Variants in NALCN observed in about 807,000 individuals in gnomAD.
NALCN encodes sodium leak channel NALCN.
In NALCN, 111 loss-of-function variants were observed where a neutral mutation model predicts 225.3. The observed-to-expected ratio is 0.49, with a 90% CI of 0.42 to 0.58. The LOEUF (loss-of-function observed/expected upper bound fraction) is 0.58. Ranked by LOEUF, NALCN falls within the 20% of genes least tolerant of loss-of-function variation. The probability of loss-of-function intolerance (pLI) is 0.00; values close to 1 mark genes in which losing one functional copy is unlikely to be tolerated. For synonymous variants in NALCN, 764 were observed against 769.0 expected (o/e 0.99, Z 0.11); for missense variants, 1,378 against 2,202.4 (o/e 0.63, Z 7.49).
intron 10 of NALCN, among the ~76,000 whole-genome samples, chr13:101,275,879 C>T (rs182034280): frequency 5.9e-5 from 9 of 151,952 alleles, no homozygotes; most frequent in South Asian, 2.1e-4. Flanking sequence ...TCCTGGCCAA[C>T]GTGGTGAAAC....
In NALCN at chr13:101,133,919, C is replaced by T. The variant is rs185710337; in HGVS notation, c.2118+9161G>A. ...GTGCGGTGGCTCACGCCTGTAATCC[C>T]AGCACTTTGGGAGGCCGAGGTGGGT... On this transcript the variant is annotated intron_variant, in intron 17 of 43. Transcript: ENST00000251127. Among the ~76,000 whole-genome samples, 5 of 152,226 alleles carry T rather than the reference C, an allele frequency of 3.3e-5. No homozygotes were observed. In the East Asian group the frequency reaches 9.7e-4, roughly 29 times the overall value.
At chr13:101,222,201 A>G (rs1377407673) in intron 13 of NALCN, among the ~76,000 whole-genome samples, 1 of 152,156 alleles carries the variant, frequency 6.6e-6, no homozygotes, top group Non-Finnish European at 1.5e-5. Context: ...AATTTTGGCC[A>G]CAGCCTCTCT....
At chr13:101,151,778 C>T (rs1034160936) in intron 15 of NALCN, among the ~76,000 whole-genome samples, 20 of 152,144 alleles carry the variant, frequency 1.3e-4, no homozygotes, top group African/African-American at 4.8e-4. Flanking sequence ...CAACCCAAAT[C>T]GCACAGTCAA....
intron 15 of NALCN, among the ~76,000 whole-genome samples, chr13:101,169,402 G>C (rs1474332330): frequency 6.6e-6 from 1 of 152,112 alleles, no homozygotes; most frequent in Admixed American, 6.5e-5. Flanking sequence ...AGAATGTGCA[G>C]GTTTGTTACA....
At chr13:101,335,343 C>G (rs1018657272) in intron 7 of NALCN, among the ~76,000 whole-genome samples, 1 of 152,092 alleles carries the variant, frequency 6.6e-6, no homozygotes, top group Non-Finnish European at 1.5e-5. Context: ...TATTTGAGAA[C>G]CTGAGAAACC....
At chr13:101,300,543 T>G (rs764562688) in intron 7 of NALCN, among the ~76,000 whole-genome samples, 1 of 152,004 alleles carries the variant, frequency 6.6e-6, no homozygotes, top group Non-Finnish European at 1.5e-5. Context: ...CTTCACCTCC[T>G]GGGTTCAACC....
chr13:101,101,679 AGAG>A (rs1341962785), intron 26 of NALCN, among the ~76,000 whole-genome samples: 13 of 152,168 alleles, frequency 8.5e-5, no homozygotes, highest in Non-Finnish European at 1.9e-4. Context: ...TTCTATGCAT[AGAG>A]GAGAGGAGAG....
In NALCN at chr13:101,345,410, A is replaced by C; in HGVS notation, c.655T>G (p.Trp219Gly). ...GTGTCTGGAATAGCTAAACTATTCC[A>C]GGTTACATTCCTGTGAACAACACAT... is the stretch of plus-strand genomic sequence containing the variant. ...VNDTKPGNVTWNSLAIPDTHC... is the reference protein window; with the variant it reads ...VNDTKPGNVTGNSLAIPDTHC... The change falls in exon 7 of 44, where the codon TGG becomes GGG. Residue 219 changes from tryptophan to glycine, a missense_variant. Physicochemically the swap from Trp to Gly is radical, Grantham distance 184 (BLOSUM62 -2). Transcript: ENST00000251127. 2 of 1,613,152 alleles carry C rather than the reference A, an allele frequency of 1.2e-6. No individual in the cohort carries two copies. The highest frequency in any genetic ancestry group is 1.7e-6 in the Non-Finnish European group (2 of 1,179,546).
At chr13:101,263,689 CAG>C (rs927112292) in intron 10 of NALCN, among the ~76,000 whole-genome samples, 1 of 152,172 alleles carries the variant, frequency 6.6e-6, no homozygotes, top group East Asian at 1.9e-4. Context: ...CCTGTTGGTT[CAG>C]AGTTATTAAA....
chr13:101,251,832 C>T (rs1164638471), intron 11 of NALCN, among the ~76,000 whole-genome samples: 1 of 152,148 alleles, frequency 6.6e-6, no homozygotes, highest in Non-Finnish European at 1.5e-5. Context: ...AACATTCTCT[C>T]AAGCTGTAAC....
intron 35 of NALCN, 111 bp from the exon 36 acceptor site, chr13:101,074,773 T>G: frequency 7.8e-7 from 1 of 1,283,702 alleles, no homozygotes; most frequent in Non-Finnish European, 1.0e-6. Flanking sequence ...ATGGAAGACC[T>G]GGGTAGCAAC....
Position 101,160,284 on chromosome 13 carries a change from C to T in NALCN, c.1840-15388G>A, listed in dbSNP as rs183219670. Among the ~76,000 whole-genome samples, 39 of 152,314 alleles carry T rather than the reference C, an allele frequency of 2.6e-4. No homozygotes were observed. The East Asian group carries it at 7.3e-3, about 29-fold the overall frequency. On this transcript the variant is annotated intron_variant, in intron 15 of 43. Transcript: ENST00000251127. ...TGGAAGGAAAATGTTTGCAAGGTCC[C>T]TTCTAAATTTCCTTCCCTCTTCCTT... is the stretch of plus-strand genomic sequence containing the variant.
At chr13:101,397,066 T>TA (rs1555346458) in intron 2 of NALCN, among the ~76,000 whole-genome samples, 4 of 56,390 alleles carry the variant, frequency 7.1e-5, no homozygotes, top group Middle Eastern at 0.01. Context: ...TATGAATGTA[T>TA]TATATATATA....
chr13:101,054,736 A>G lies in NALCN; in HGVS notation c.*559T>C, dbSNP rs893793023. The G allele has an allele frequency of 1.3e-5, 2 of 152,266 alleles. No homozygotes were observed. 9.4% of individuals were successfully genotyped at this position (152,266 alleles called of 1,614,324 possible). On this transcript the variant is annotated 3_prime_UTR_variant, in exon 44 of 44. Coordinates refer to ENST00000251127, the MANE Select transcript of NALCN (RefSeq NM_052867.4). ...AAATGTCTTGTGTATATTTAAAAAT[A>G]TAACACGAGAAAAAGAAGATACTTT...
At chr13:101,337,171 T>C (rs2045402819) in intron 7 of NALCN, among the ~76,000 whole-genome samples, 1 of 152,098 alleles carries the variant, frequency 6.6e-6, no homozygotes, top group African/African-American at 2.4e-5. Flanking sequence ...CAACTCTCTG[T>C]CTCACAGAAT....
upstream of NALCN, among the ~76,000 whole-genome samples, chr13:101,417,099 C>CAT (rs1387331415): frequency 6.6e-6 from 1 of 152,178 alleles, no homozygotes; most frequent in Non-Finnish European, 1.5e-5. Flanking sequence ...TCCCCCACCC[C>CAT]ATACCCTGTG....
At chr13:101,232,450 C>CTTT (rs11400612) in intron 12 of NALCN, among the ~76,000 whole-genome samples, 8 of 142,632 alleles carry the variant, frequency 5.6e-5, no homozygotes, top group Non-Finnish European at 1.1e-4. Flanking sequence ...CTTTTCTTTT[C>CTTT]TTTTTTTTTT....
chr13:101,406,151 CAAAAAA>C (rs11400384), intron 1 of NALCN, among the ~76,000 whole-genome samples: 1 of 114,564 alleles, frequency 8.7e-6, no homozygotes, highest in African/African-American at 3.0e-5. Flanking sequence ...CCCATCTCTA[CAAAAAA>C]AAAAAAAAAA....
chr13:101,122,405 C>T (rs1423957271), intron 18 of NALCN, among the ~76,000 whole-genome samples: 1 of 152,004 alleles, frequency 6.6e-6, no homozygotes, highest in African/African-American at 2.4e-5. Flanking sequence ...CTGTAGTATG[C>T]TGGGCTGCAG....
Sources: gnomAD v4.1 joint callset for allele counts (sites outside exome capture counted in the v4.1 genomes callset) on GRCh38, gnomAD v4.1.1 for gene constraint, MANE v1.5 for transcripts, NCBI Gene and HGNC (gene_info 2026-07-23, HGNC 2026-07-21) for gene names.